The following PDE4B variants were observed in gnomAD, a reference collection of about 807,000 sequenced individuals.
PDE4B encodes the protein 3',5'-cyclic-AMP phosphodiesterase 4B.
A neutral mutation model predicts 82.2 loss-of-function variants in PDE4B; 20 were observed. The ratio of observed to expected loss-of-function variants is 0.24; its 90% CI spans 0.17 to 0.35. The LOEUF (loss-of-function observed/expected upper bound fraction) is 0.35, where lower values mean the gene tolerates loss of function less well. Ranked by LOEUF, PDE4B falls within the 10% of genes least tolerant of loss-of-function variation. The probability of loss-of-function intolerance (pLI) is 1.00; values close to 1 mark genes in which losing one functional copy is unlikely to be tolerated. For missense variants in PDE4B, 655 were observed against 907.2 expected (o/e 0.72, Z 3.57); for synonymous variants, 320 against 318.9 (o/e 1.00, Z -0.04).
intron 7 of PDE4B, among the ~76,000 whole-genome samples, chr1:66,299,692 G>A (rs1657752338): frequency 6.6e-6 from 1 of 152,114 alleles, no homozygotes; most frequent in Non-Finnish European, 1.5e-5. Context: ...GTTTATAAGA[G>A]TTTGCTTTCC....
chr1:66,250,847 G>T (rs1653714893), intron 4 of PDE4B, among the ~76,000 whole-genome samples: 1 of 151,916 alleles, frequency 6.6e-6, no homozygotes, highest in Non-Finnish European at 1.5e-5. Context: ...GAAACTCCAT[G>T]TTTTTTTTCA....
At position 66,158,958 on chromosome 1, in the gene PDE4B, G is replaced by T. The variant is rs535387993; in HGVS notation, c.282-88502G>T. Among the ~76,000 whole-genome samples the T allele has an allele frequency of 9.2e-5, 14 of 152,316 alleles. No homozygotes were observed. The South Asian group carries it at 1.0e-3, about 11-fold the overall frequency. ...CTGAGAAGGGTAGTGGGTAAAGGAA[G>T]ATGGAGAGAAGTTAGCAAAAGGGTA... On this transcript the variant is annotated intron_variant, in intron 3 of 16. Transcript: ENST00000341517.
chr1:65,912,844 T>C (rs1647111899), intron 1 of PDE4B, among the ~76,000 whole-genome samples: 2 of 152,210 alleles, frequency 1.3e-5, no homozygotes, highest in Admixed American at 1.3e-4. Flanking sequence ...TAATTTGTTC[T>C]CTCTGTTCCT....
At chr1:66,154,099 T>C (rs1646455566) in intron 3 of PDE4B, among the ~76,000 whole-genome samples, 1 of 152,192 alleles carries the variant, frequency 6.6e-6, no homozygotes, top group Admixed American at 6.5e-5. Context: ...TTGCTCTCCC[T>C]GAAAGACTCC....
At chr1:66,295,666 T>C (rs138861027) in intron 7 of PDE4B, among the ~76,000 whole-genome samples, 1,534 of 152,248 alleles carry the variant, frequency 0.01, 29 homozygotes, top group African/African-American at 0.035. Flanking sequence ...TGACCTGAAG[T>C]GATCCTCCCA....
At chr1:65,902,078 A>C (rs1646977729) in intron 1 of PDE4B, among the ~76,000 whole-genome samples, 1 of 151,966 alleles carries the variant, frequency 6.6e-6, no homozygotes, top group South Asian at 2.1e-4. Context: ...TTTAATTTCC[A>C]TGTCATTGTG....
At chr1:66,192,669 A>G (rs538220329) in intron 3 of PDE4B, among the ~76,000 whole-genome samples, 1 of 152,292 alleles carries the variant, frequency 6.6e-6, no homozygotes, top group African/African-American at 2.4e-5. Flanking sequence ...CATGGCTTTC[A>G]TGGTTTCGGG....
At chr1:65,885,857 TA>T (rs773193004) in intron 1 of PDE4B, among the ~76,000 whole-genome samples, 1 of 121,076 alleles carries the variant, frequency 8.3e-6, no homozygotes, top group East Asian at 2.4e-4. Context: ...ACTTAACGTA[TA>T]ATAATAATAA....
chr1:65,889,537 ATTT>A, intron 1 of PDE4B, among the ~76,000 whole-genome samples: 1 of 152,266 alleles, frequency 6.6e-6, no homozygotes, highest in African/African-American at 2.4e-5. Flanking sequence ...TGAAGTTGTA[ATTT>A]TTTGAAACAT....
chr1:65,844,475 T>C (rs1646246241), intron 1 of PDE4B, among the ~76,000 whole-genome samples: 1 of 152,202 alleles, frequency 6.6e-6, no homozygotes, highest in Non-Finnish European at 1.5e-5. Context: ...AAATGGAAGC[T>C]TTCCAGCTAA....
At chr1:65,828,488 C>T (rs906956398) in intron 1 of PDE4B, among the ~76,000 whole-genome samples, 4 of 152,070 alleles carry the variant, frequency 2.6e-5, no homozygotes, top group African/African-American at 4.8e-5. Flanking sequence ...TCAAATGATC[C>T]GTCTGCCTTG....
At chr1:66,260,404 G>C (rs2101712649) in intron 6 of PDE4B, among the ~76,000 whole-genome samples, 1 of 152,246 alleles carries the variant, frequency 6.6e-6, no homozygotes, top group African/African-American at 2.4e-5. Flanking sequence ...AAGAACTTAT[G>C]GAATAGATGA....
At chr1:65,936,211 G>A (rs1648127327) in intron 3 of PDE4B, among the ~76,000 whole-genome samples, 2 of 152,018 alleles carry the variant, frequency 1.3e-5, no homozygotes, top group South Asian at 4.1e-4. Context: ...CCATCTCCTA[G>A]GATAACAATG....
chr1:66,342,782 G>A (rs914067236), intron 8 of PDE4B, among the ~76,000 whole-genome samples: 4 of 151,322 alleles, frequency 2.6e-5, no homozygotes, highest in African/African-American at 9.7e-5. Flanking sequence ...AGTGGCTCAC[G>A]CCTGTAATCC....
chr1:66,133,818 G>T (rs1646000278), intron 3 of PDE4B, among the ~76,000 whole-genome samples: 1 of 152,140 alleles, frequency 6.6e-6, no homozygotes, highest in African/African-American at 2.4e-5. Context: ...CCCCAAACCT[G>T]GAAGGTGGGG....
At chr1:66,260,880 C>T (rs563602355) in intron 6 of PDE4B, among the ~76,000 whole-genome samples, 10 of 152,278 alleles carry the variant, frequency 6.6e-5, no homozygotes, top group East Asian at 1.9e-4. Context: ...CTTCAAATCA[C>T]GGCCCCTTGT....
intron 7 of PDE4B, among the ~76,000 whole-genome samples, chr1:66,284,042 C>T (rs1390933879): frequency 6.6e-6 from 1 of 152,138 alleles, no homozygotes; most frequent in Non-Finnish European, 1.5e-5. Context: ...AACATGGTTT[C>T]TTCTTTGGGA....
At chr1:65,828,489 G>T (rs183078750) in intron 1 of PDE4B, among the ~76,000 whole-genome samples, 1 of 152,042 alleles carries the variant, frequency 6.6e-6, no homozygotes, top group Non-Finnish European at 1.5e-5. Context: ...CAAATGATCC[G>T]TCTGCCTTGG....
intron 3 of PDE4B, among the ~76,000 whole-genome samples, chr1:66,140,631 T>C (rs1646153012): frequency 6.6e-6 from 1 of 152,250 alleles, no homozygotes; most frequent in African/African-American, 2.4e-5. Context: ...TTTAGCCAAC[T>C]TTAAAAATAT....
Sources: allele counts gnomAD v4.1 joint callset (sites outside exome capture counted in the v4.1 genomes callset), GRCh38; gene constraint gnomAD v4.1.1; transcripts MANE v1.5; gene names NCBI Gene and HGNC (gene_info 2026-07-23, HGNC 2026-07-21).